Variants in SUPT3H observed in about 807,000 individuals in gnomAD.
SUPT3H encodes the protein SPT3 homolog, SAGA and STAGA complex component.
SUPT3H carries 44 observed loss-of-function variants against 44.3 expected under a neutral mutation model. The ratio of observed to expected loss-of-function variants is 0.99; its 90% confidence interval spans 0.78 to 1.28. The LOEUF is 1.28. SUPT3H is among the 50% of genes most tolerant of loss of function. The pLI, the probability that SUPT3H is intolerant of heterozygous loss-of-function variation, is 0.00. For missense variants in SUPT3H, 380 were observed against 387.1 expected (o/e 0.98, Z 0.15); for synonymous variants, 124 against 125.6 (o/e 0.99, Z 0.09).
chr6:45,117,297 G>A (rs919854678), intron 2 of SUPT3H, among the ~76,000 whole-genome samples: 1 of 152,062 alleles, frequency 6.6e-6, no homozygotes, highest in Admixed American at 6.6e-5. Flanking sequence ...GTCTTTGTCT[G>A]AAATATAACT....
intron 2 of SUPT3H, among the ~76,000 whole-genome samples, chr6:45,192,811 CAAAT>C (rs1210381346): frequency 1.3e-5 from 2 of 151,906 alleles, no homozygotes; most frequent in East Asian, 3.9e-4. Flanking sequence ...TTAGCTACAA[CAAAT>C]AAAGAAAATC....
At chr6:44,900,030 T>C (rs1764717354) in intron 10 of SUPT3H, among the ~76,000 whole-genome samples, 1 of 152,212 alleles carries the variant, frequency 6.6e-6, no homozygotes, top group South Asian at 2.1e-4. Flanking sequence ...ATTAGAAAAC[T>C]ATTTTAGGAT....
intron 2 of SUPT3H, among the ~76,000 whole-genome samples, chr6:45,326,163 A>AAAG (rs1346088200): frequency 6.6e-6 from 1 of 151,898 alleles, no homozygotes; most frequent in African/African-American, 2.4e-5. Context: ...CATAAAGAAG[A>AAAG]TTTTAAGGAA....
intron 2 of SUPT3H, among the ~76,000 whole-genome samples, chr6:45,189,464 A>G (rs963613959): frequency 1.3e-5 from 2 of 152,222 alleles, no homozygotes; most frequent in Admixed American, 6.5e-5. Flanking sequence ...TGGTTCCCTT[A>G]TTAAAAAACC....
chr6:44,895,329 A>G (rs1213371217), intron 10 of SUPT3H, among the ~76,000 whole-genome samples: 5 of 149,344 alleles, frequency 3.3e-5, no homozygotes, highest in African/African-American at 1.2e-4. Flanking sequence ...TCTAGGCTCA[A>G]GGGATCTTCC....
At chr6:45,276,756 A>G (rs1279362929) in intron 2 of SUPT3H, among the ~76,000 whole-genome samples, 1 of 152,190 alleles carries the variant, frequency 6.6e-6, no homozygotes, top group Non-Finnish European at 1.5e-5. Context: ...AGTTCCTCCA[A>G]TTAAGGCCAT....
chr6:45,288,601 ATATATATATATG>A lies in SUPT3H; in HGVS notation c.101+76588_101+76599del, dbSNP rs1562883086. Among the ~76,000 whole-genome samples, 270 of 29,452 alleles carry A rather than the reference ATATATATATATG, an allele frequency of 9.2e-3. 6 individuals carry two copies. Among genetic ancestry groups the A allele is most frequent in the South Asian group, 0.016 (12 of 764 alleles). The allele number at this position is 29,452 out of a possible 152,430, so 19.3% of individuals were successfully genotyped here. ...TATATATGTATATATATATATGTGT[ATATATATATATG>A]TATATATATATATATATATATAGCA... is the stretch of plus-strand genomic sequence containing the variant. On this transcript the variant is annotated intron_variant, in intron 2 of 10. Transcript: ENST00000371459.
chr6:45,191,345 A>G (rs1336073612), intron 2 of SUPT3H, among the ~76,000 whole-genome samples: 1 of 152,130 alleles, frequency 6.6e-6, no homozygotes, highest in East Asian at 1.9e-4. Flanking sequence ...TTCCAACTAT[A>G]TGAAATTCTG....
chr6:44,861,374 GTTTTC>G (rs10642575), intron 10 of SUPT3H, among the ~76,000 whole-genome samples: 7 of 150,706 alleles, frequency 4.6e-5, no homozygotes, highest in Non-Finnish European at 8.8e-5. Context: ...CTCAGCCACA[GTTTTC>G]TTTTCTTTTC....
chr6:45,249,545 CA>C (rs1771992044), intron 2 of SUPT3H, among the ~76,000 whole-genome samples: 1 of 151,986 alleles, frequency 6.6e-6, no homozygotes, highest in Non-Finnish European at 1.5e-5. Context: ...AACCTAAGCC[CA>C]GGGGGATTAA....
chr6:45,335,217 A>C (rs924977476), intron 2 of SUPT3H, among the ~76,000 whole-genome samples: 1 of 151,296 alleles, frequency 6.6e-6, no homozygotes, highest in African/African-American at 2.4e-5. Context: ...TTCCCAGTTT[A>C]AGACTTCAAA....
intron 2 of SUPT3H, among the ~76,000 whole-genome samples, chr6:45,137,135 T>A (rs911241797): frequency 1.3e-5 from 2 of 152,090 alleles, no homozygotes. Context: ...CTAAGAATCC[T>A]AAATCCAGCA....
At chr6:45,372,381 T>C (rs961247187) in intron 1 of SUPT3H, among the ~76,000 whole-genome samples, 6 of 152,180 alleles carry the variant, frequency 3.9e-5, no homozygotes, top group Non-Finnish European at 8.8e-5. Flanking sequence ...TGAAAATATA[T>C]CACAAAAGAT....
intron 2 of SUPT3H, among the ~76,000 whole-genome samples, chr6:45,157,595 C>G (rs1009956660): frequency 6.6e-6 from 1 of 151,874 alleles, no homozygotes; most frequent in Non-Finnish European, 1.5e-5. Context: ...GTCACCCAGG[C>G]TGGAGTGCAG....
chr6:45,133,598 T>C (rs1333748530), intron 2 of SUPT3H, among the ~76,000 whole-genome samples: 1 of 152,092 alleles, frequency 6.6e-6, no homozygotes, highest in Non-Finnish European at 1.5e-5. Context: ...AAACCAACCA[T>C]AGGCTTACAA....
intron 3 of SUPT3H, among the ~76,000 whole-genome samples, chr6:45,053,691 G>T (rs947605858): frequency 6.2e-5 from 8 of 128,290 alleles, no homozygotes; most frequent in Admixed American, 2.9e-4. Context: ...CAGGTCAGGA[G>T]ATCAAGACCA....
chr6:45,109,423 T>C (rs1179626683), intron 2 of SUPT3H, among the ~76,000 whole-genome samples: 2 of 152,124 alleles, frequency 1.3e-5, no homozygotes, highest in East Asian at 1.9e-4. Context: ...TTGACATCTA[T>C]AGTAAAAAAA....
At chr6:45,137,511 G>C (rs989077980) in intron 2 of SUPT3H, among the ~76,000 whole-genome samples, 7 of 151,630 alleles carry the variant, frequency 4.6e-5, no homozygotes, top group African/African-American at 1.7e-4. Context: ...TAATCTATAT[G>C]ACCATAACAG....
At chr6:44,832,930 T>A (rs548625546) in intron 10 of SUPT3H, among the ~76,000 whole-genome samples, 143 of 152,278 alleles carry the variant, frequency 9.4e-4, no homozygotes, top group Non-Finnish European at 1.5e-3. Flanking sequence ...CTTCTGTTTT[T>A]TATGGGTTAT....
Sources: gnomAD v4.1 joint callset for allele counts (sites outside exome capture counted in the v4.1 genomes callset) on GRCh38, gnomAD v4.1.1 for gene constraint, MANE v1.5 for transcripts, NCBI Gene and HGNC (gene_info 2026-07-23, HGNC 2026-07-21) for gene names.